Variants in WWP1 observed in about 807,000 individuals in gnomAD.
The protein encoded by WWP1 is NEDD4-like E3 ubiquitin-protein ligase WWP1.
A neutral mutation model predicts 130.6 loss-of-function variants in WWP1; 49 were observed. The ratio of observed to expected loss-of-function variants is 0.38; its 90% CI spans 0.30 to 0.48. The LOEUF (loss-of-function observed/expected upper bound fraction) is 0.48. WWP1 is among the 20% of genes least tolerant of loss of function. The pLI is 0.99. For synonymous variants in WWP1, 332 were observed against 367.8 expected, an observed-to-expected ratio of 0.90 and a Z score of 1.11; for missense variants, 809 against 1,100.6, an observed-to-expected ratio of 0.74 and a Z score of 3.75.
At position 86,402,295 on chromosome 8, in the gene WWP1, C is replaced by CT. The variant is rs200858774; in HGVS notation, c.724+100dup. The CT allele has an allele frequency of 6.0e-4, 852 of 1,418,966 alleles. 5 individuals carry two copies. In the African/African-American group the frequency reaches 8.4e-3, roughly 14 times the overall value. The allele number at this position is 1,418,966 out of a possible 1,614,324, so 87.9% of individuals were successfully genotyped here. A position where few individuals can be genotyped will look rare whatever the true frequency, so the allele number is the denominator to read the frequency against. ...GCCTACACTTCCCTTTTTGTGTAGT[C>CT]TTTTTTTTGAGACGGAGTCTCGCTC... On this transcript the variant is annotated intron_variant, in intron 8 of 24. Coordinates refer to ENST00000517970, the MANE Select transcript of WWP1 (RefSeq NM_007013.4).
chr8:86,463,585 C>T (rs1245255059), intron 24 of WWP1, among the ~76,000 whole-genome samples: 1 of 151,688 alleles, frequency 6.6e-6, no homozygotes, highest in Non-Finnish European at 1.5e-5. Context: ...GGATTACAGG[C>T]GTGAGCCACC....
At chr8:86,426,781 A>G (rs1809648422) in intron 10 of WWP1, among the ~76,000 whole-genome samples, 2 of 152,234 alleles carry the variant, frequency 1.3e-5, no homozygotes. Context: ...AAAAGAGTTC[A>G]GTTAACTCAT....
chr8:86,423,671 A>G (rs1356996704), intron 9 of WWP1, among the ~76,000 whole-genome samples: 1 of 151,956 alleles, frequency 6.6e-6, no homozygotes, highest in Admixed American at 6.5e-5. Flanking sequence ...TTTTCCCCAC[A>G]TTTCCCCCTT....
At chr8:86,396,160 G>A (rs1053360224) in intron 5 of WWP1, among the ~76,000 whole-genome samples, 1 of 151,550 alleles carries the variant, frequency 6.6e-6, no homozygotes, top group African/African-American at 2.4e-5. Flanking sequence ...GTGCAGTGGC[G>A]CGATCTCAGC....
intron 1 of WWP1, among the ~76,000 whole-genome samples, chr8:86,364,823 G>GA (rs1164253424): frequency 7.9e-5 from 10 of 126,904 alleles, no homozygotes; most frequent in Admixed American, 6.0e-4. Flanking sequence ...AAGAAAGAAA[G>GA]AAAGAAAGAA....
chr8:86,400,821 T>G (rs71525045), intron 7 of WWP1, among the ~76,000 whole-genome samples: 1,607 of 152,220 alleles, frequency 0.011, 13 homozygotes, highest in Non-Finnish European at 0.015. Flanking sequence ...AGAGAGAAGA[T>G]GGGATAAAGG....
intron 8 of WWP1, among the ~76,000 whole-genome samples, chr8:86,409,337 A>C (rs111860618): frequency 0.084 from 12,408 of 147,020 alleles, 1,728 homozygotes; most frequent in African/African-American, 0.29. Flanking sequence ...GGATTCAAGC[A>C]ATACTTCTGC....
intron 8 of WWP1, among the ~76,000 whole-genome samples, chr8:86,402,786 T>C (rs554709337): frequency 2.0e-5 from 3 of 152,252 alleles, no homozygotes; most frequent in Non-Finnish European, 4.4e-5. Flanking sequence ...AAAAATACTA[T>C]GTAATTCATG....
chr8:86,430,798 C>CATATATATAT (rs36226595), intron 12 of WWP1, 47 bp downstream of exon 12: 180 of 202,048 alleles, frequency 8.9e-4, no homozygotes, highest in Admixed American at 1.3e-3. Flanking sequence ...TATATCTCTC[C>CATATATATAT]ATATATATAT....
intron 9 of WWP1, among the ~76,000 whole-genome samples, chr8:86,419,581 A>G (rs982836636): frequency 3.3e-5 from 5 of 152,354 alleles, no homozygotes; most frequent in East Asian, 3.9e-4. Flanking sequence ...AAGGTAAAGA[A>G]ATTTGCCAGA....
rs142558218 is a variant in WWP1, at chr8:86,435,564, T to G, written c.1677+37T>G. On this transcript the variant is annotated intron_variant, in intron 15 of 24. Transcript: ENST00000517970. ...GTAAATAAATCTTATACTCAATAAT[T>G]TAGTCTTCTCTTTATACAATACATA... 7,959 of 1,612,952 alleles carry G rather than the reference T, an allele frequency of 4.9e-3. 24 individuals are homozygous for G. Among genetic ancestry groups the G allele is most frequent in the Non-Finnish European group, 5.5e-3 (6,540 of 1,179,122 alleles).
At chr8:86,359,887 A>C (rs1823474649) in intron 1 of WWP1, among the ~76,000 whole-genome samples, 1 of 151,978 alleles carries the variant, frequency 6.6e-6, no homozygotes, top group Non-Finnish European at 1.5e-5. Flanking sequence ...GTCTCTACTA[A>C]AAATACAAAA....
intron 8 of WWP1, among the ~76,000 whole-genome samples, chr8:86,408,616 T>G (rs184284353): frequency 2.0e-5 from 3 of 152,240 alleles, no homozygotes; most frequent in African/African-American, 7.2e-5. Context: ...TAATGTTTTT[T>G]AAAGTGTTTT....
rs973706235 is a variant in WWP1 at position 86,425,329 on chromosome 8, A to T, written c.1157+11A>T. 1.9e-6 allele frequency: 3 copies of T among 1,585,036 alleles called. No individual in the cohort carries two copies. The highest frequency in any genetic ancestry group is 2.6e-6 in the Non-Finnish European group (3 of 1,161,286). On this transcript the variant is annotated intron_variant, in intron 10 of 24. Transcript: ENST00000517970. ...ACCTTTACCTCCAGGGTAATATAGC[A>T]CTCTTTATGCATTTGTAATTATATT...
chr8:86,460,711 T>TGAA (rs1811711854), intron 22 of WWP1, among the ~76,000 whole-genome samples: 1 of 150,560 alleles, frequency 6.6e-6, no homozygotes, highest in African/African-American at 2.4e-5. Context: ...GAGGATGAAC[T>TGAA]GAAGTGAGGT....
At chr8:86,440,098 C>T (rs1408532627) in intron 17 of WWP1, among the ~76,000 whole-genome samples, 3 of 152,128 alleles carry the variant, frequency 2.0e-5, no homozygotes, top group Non-Finnish European at 4.4e-5. Flanking sequence ...ACGAGTTTAT[C>T]TCAATTTCAG....
chr8:86,375,118 G>C (rs1563476724), intron 3 of WWP1, among the ~76,000 whole-genome samples: 1 of 151,782 alleles, frequency 6.6e-6, no homozygotes, highest in Non-Finnish European at 1.5e-5. Context: ...GGGAGAAGGA[G>C]GTGAAAAAAA....
intron 1 of WWP1, among the ~76,000 whole-genome samples, chr8:86,364,828 A>AC (rs1491254891): frequency 7.9e-6 from 1 of 127,006 alleles, no homozygotes; most frequent in African/African-American, 2.9e-5. Context: ...AGAAAGAAAG[A>AC]AAGAAAGAGA....
intron 1 of WWP1, among the ~76,000 whole-genome samples, chr8:86,351,619 C>G (rs2130113458): frequency 6.6e-6 from 1 of 151,994 alleles, no homozygotes; most frequent in South Asian, 2.1e-4. Context: ...CATGAGCCAC[C>G]AGGCCTGGCC....
Sources: gnomAD v4.1 joint callset for allele counts (sites outside exome capture counted in the v4.1 genomes callset) on GRCh38, gnomAD v4.1.1 for gene constraint, MANE v1.5 for transcripts, NCBI Gene and HGNC (gene_info 2026-07-23, HGNC 2026-07-21) for gene names.